SPAG16: variants seen among roughly 807,000 people sequenced by gnomAD.
SPAG16 encodes the protein sperm-associated antigen 16 protein.
SPAG16 carries 86 observed loss-of-function variants against 80.4 expected under a neutral mutation model. The observed-to-expected ratio is 1.07, with a 90% CI of 0.90 to 1.28. The LOEUF (loss-of-function observed/expected upper bound fraction) is 1.28, where lower values mean the gene tolerates loss of function less well. Ranked by LOEUF, SPAG16 falls within the 50% of genes most tolerant of loss-of-function variation. The pLI, the probability that SPAG16 is intolerant of heterozygous loss-of-function variation, is 0.00. For synonymous variants in SPAG16, 294 were observed against 265.9 expected (o/e 1.11, Z -1.03); for missense variants, 870 against 765.3 (o/e 1.14, Z -1.61).
intron 9 of SPAG16, among the ~76,000 whole-genome samples, chr2:213,386,793 G>A (rs763174267): frequency 2.0e-5 from 3 of 152,066 alleles, no homozygotes; most frequent in Non-Finnish European, 4.4e-5. Context: ...AAGTTTTTTA[G>A]CCAATCAGTG....
At position 213,593,953 on chromosome 2, in the gene SPAG16, T is replaced by A. The variant is rs575159862; in HGVS notation, c.1070+103863T>A. On this transcript the variant is annotated intron_variant, in intron 10 of 15. Transcript: ENST00000331683. ...CCACGCCCGGCTAATTTTTTTCTAT[T>A]TTTAGTAGAGGCGGGTTTTCACCAC... is the stretch of plus-strand genomic sequence containing the variant. 6.0e-5 allele frequency among the ~76,000 whole-genome samples: 9 copies of A among 151,090 alleles called. No homozygotes were observed. In the East Asian group the frequency reaches 1.7e-3, roughly 29 times the overall value.
chr2:213,578,040 T>C (rs547211285), intron 10 of SPAG16, among the ~76,000 whole-genome samples: 2 of 152,138 alleles, frequency 1.3e-5, no homozygotes, highest in Admixed American at 1.3e-4. Flanking sequence ...TAATCAAATG[T>C]CCACCTCTGT....
intron 12 of SPAG16, among the ~76,000 whole-genome samples, chr2:213,996,074 G>T (rs2046501842): frequency 6.6e-6 from 1 of 152,114 alleles, no homozygotes; most frequent in African/African-American, 2.4e-5. Flanking sequence ...GTAGTTTCTG[G>T]TCTCTGTCCA....
chr2:213,447,069 T>C lies in SPAG16; in HGVS notation c.943-42894T>C, dbSNP rs377578504. Among the ~76,000 whole-genome samples, 6 of 152,198 alleles carry C rather than the reference T, an allele frequency of 3.9e-5. No homozygotes were observed. The East Asian group carries it at 1.2e-3, about 29-fold the overall frequency. Reference sequence around the variant, plus strand: ...CATCTAAAACTTTAATTTGGGAAGATTGTGTTAACTCACATGTAGTAGTAT... The same window carrying C: ...CATCTAAAACTTTAATTTGGGAAGACTGTGTTAACTCACATGTAGTAGTAT... On this transcript the variant is annotated intron_variant, in intron 9 of 15. Coordinates refer to ENST00000331683, the MANE Select transcript of SPAG16 (RefSeq NM_024532.5).
chr2:213,405,825 C>A (rs1445910604), intron 9 of SPAG16, among the ~76,000 whole-genome samples: 1 of 152,126 alleles, frequency 6.6e-6, no homozygotes, highest in African/African-American at 2.4e-5. Flanking sequence ...TATTTAAGTT[C>A]TTTATTCAGA....
chr2:213,996,440 G>C (rs944499995), intron 12 of SPAG16, among the ~76,000 whole-genome samples: 5 of 151,998 alleles, frequency 3.3e-5, no homozygotes, highest in Non-Finnish European at 7.4e-5. Context: ...GGACTGTCAG[G>C]AAAAGTCAGA....
chr2:213,693,150 T>C (rs986384728), intron 10 of SPAG16, among the ~76,000 whole-genome samples: 12 of 152,342 alleles, frequency 7.9e-5, no homozygotes, highest in Admixed American at 7.2e-4. Flanking sequence ...TTAATTCTTT[T>C]TGACTCCTCC....
At position 213,485,087 on chromosome 2, in the gene SPAG16, T is replaced by C. The variant is rs565521283; in HGVS notation, c.943-4876T>C. On this transcript the variant is annotated intron_variant, in intron 9 of 15. Transcript: ENST00000331683. ...CTGGCTCACTGCAACCTTCGCCTCCTGGGCTCAAGCGATCCTCCTGCCTCA... is the reference window on the plus strand; with the variant it reads ...CTGGCTCACTGCAACCTTCGCCTCCCGGGCTCAAGCGATCCTCCTGCCTCA... 4.0e-5 allele frequency among the ~76,000 whole-genome samples: 6 copies of C among 151,446 alleles called. No individual in the cohort carries two copies. The East Asian group carries it at 1.2e-3, about 29-fold the overall frequency.
chr2:213,869,264 A>AAAATATAT (rs552335638), intron 11 of SPAG16, among the ~76,000 whole-genome samples: 1 of 63,594 alleles, frequency 1.6e-5, no homozygotes, highest in Admixed American at 1.9e-4. Context: ...AAAAAAAAAA[A>AAAATATAT]ATATATATAT....
intron 15 of SPAG16, among the ~76,000 whole-genome samples, chr2:214,394,218 CTCTT>C (rs775905881): frequency 4.6e-5 from 7 of 152,162 alleles, no homozygotes; most frequent in African/African-American, 9.6e-5. Context: ...TTTTCTCTCT[CTCTT>C]TCTAAGTCAA....
At chr2:213,701,729 G>A (rs1279481908) in intron 10 of SPAG16, among the ~76,000 whole-genome samples, 7 of 152,106 alleles carry the variant, frequency 4.6e-5, no homozygotes, top group African/African-American at 1.2e-4. Context: ...ATGTCTAGCC[G>A]GAGGATTGTA....
chr2:214,355,580 G>A (rs967545333), intron 15 of SPAG16, among the ~76,000 whole-genome samples: 4 of 140,494 alleles, frequency 2.8e-5, no homozygotes, highest in African/African-American at 1.0e-4. Context: ...TGGTGGGACT[G>A]TAAACTAGTT....
At chr2:213,903,713 C>A (rs997460008) in intron 11 of SPAG16, among the ~76,000 whole-genome samples, 3 of 152,172 alleles carry the variant, frequency 2.0e-5, no homozygotes, top group Non-Finnish European at 4.4e-5. Flanking sequence ...TTGACTCTCT[C>A]CCCAGAAAAT....
At chr2:213,327,788 C>T (rs1228559073) in intron 5 of SPAG16, among the ~76,000 whole-genome samples, 1 of 151,994 alleles carries the variant, frequency 6.6e-6, no homozygotes, top group Non-Finnish European at 1.5e-5. Context: ...CTGGCACACT[C>T]CTTATTGTAG....
chr2:213,626,641 ATTTTTTTTTTTTT>A (rs10582370), intron 10 of SPAG16, among the ~76,000 whole-genome samples: 2 of 98,980 alleles, frequency 2.0e-5, no homozygotes, highest in African/African-American at 3.9e-5. Flanking sequence ...ATCGGGCTCA[ATTTTTTTTTTTTT>A]TTTTTTTTTT....
chr2:214,264,529 C>G (rs895381181), intron 15 of SPAG16, among the ~76,000 whole-genome samples: 1 of 151,750 alleles, frequency 6.6e-6, no homozygotes, highest in African/African-American at 2.4e-5. Flanking sequence ...TTCATATACC[C>G]CCTCTCCTTT....
At chr2:214,069,841 A>G (rs949498918) in intron 13 of SPAG16, among the ~76,000 whole-genome samples, 1 of 152,098 alleles carries the variant, frequency 6.6e-6, no homozygotes, top group Non-Finnish European at 1.5e-5. Context: ...TCTAATGTCC[A>G]ATATCAGATA....
intron 11 of SPAG16, among the ~76,000 whole-genome samples, chr2:213,917,704 A>T (rs1261184054): frequency 6.6e-6 from 1 of 152,150 alleles, no homozygotes; most frequent in Non-Finnish European, 1.5e-5. Flanking sequence ...AAGATATAGA[A>T]ATACATCATC....
intron 10 of SPAG16, among the ~76,000 whole-genome samples, chr2:213,589,744 A>G (rs911788028): frequency 1.4e-4 from 21 of 152,076 alleles, no homozygotes; most frequent in African/African-American, 4.8e-4. Flanking sequence ...CAACATGGTG[A>G]AATCCCGTCT....
Sources: allele counts gnomAD v4.1 joint callset (sites outside exome capture counted in the v4.1 genomes callset), GRCh38; gene constraint gnomAD v4.1.1; transcripts MANE v1.5; gene names NCBI Gene and HGNC (gene_info 2026-07-23, HGNC 2026-07-21).